Variants in SLIT3 observed in about 807,000 individuals in gnomAD.
The protein encoded by SLIT3 is slit guidance ligand 3, also known as slit homolog 3 protein.
In SLIT3, 68 loss-of-function variants were observed where a neutral mutation model predicts 184.0. The ratio of observed to expected loss-of-function variants is 0.37; its 90% CI spans 0.30 to 0.45. The LOEUF (loss-of-function observed/expected upper bound fraction) is 0.45. Among genes scored for constraint, SLIT3 ranks in the 20% least tolerant of loss-of-function variants. SLIT3 has a pLI of 1.00. For synonymous variants in SLIT3, 831 were observed against 828.6 expected (o/e 1.00, Z -0.05); for missense variants, 1,707 against 2,026.0 (o/e 0.84, Z 3.02).
At chr5:168,783,325 T>C (rs150822160) in intron 12 of SLIT3, among the ~76,000 whole-genome samples, 2,944 of 151,970 alleles carry the variant, frequency 0.019, 37 homozygotes, top group Non-Finnish European at 0.03. Context: ...TTTGGGCATT[T>C]GCCCAAAGGA....
At chr5:168,981,963 T>TA (rs748618908) in intron 4 of SLIT3, among the ~76,000 whole-genome samples, 1 of 152,162 alleles carries the variant, frequency 6.6e-6, no homozygotes, top group African/African-American at 2.4e-5. Flanking sequence ...TGAGAGTATC[T>TA]AAAAATGATG....
At chr5:168,888,356 A>C (rs1760301043) in intron 4 of SLIT3, among the ~76,000 whole-genome samples, 1 of 152,246 alleles carries the variant, frequency 6.6e-6, no homozygotes, top group African/African-American at 2.4e-5. Flanking sequence ...TGGTGACTCC[A>C]GCAACCCAAG....
At chr5:168,851,985 A>G (rs149086095) in intron 5 of SLIT3, among the ~76,000 whole-genome samples, 182 of 152,328 alleles carry the variant, frequency 1.2e-3, no homozygotes, top group Middle Eastern at 3.4e-3. Context: ...TCACTGAAAC[A>G]TTGGGCCTTG....
intron 1 of SLIT3, among the ~76,000 whole-genome samples, chr5:169,272,098 G>C (rs1397970409): frequency 6.6e-6 from 1 of 152,216 alleles, no homozygotes; most frequent in Admixed American, 6.5e-5. Flanking sequence ...ATGGGTAAGG[G>C]GGCTGGGGAT....
Position 168,861,497 on chromosome 5 carries a change from T to C in SLIT3, c.486-16842A>G, listed in dbSNP as rs541190505. ...ATTGCATGCTAGCCAAACCACTTAT[T>C]ATAAAAGCACATCTCATACCTGCCT... On this transcript the variant is annotated intron_variant, in intron 5 of 35. Coordinates refer to ENST00000519560, the MANE Select transcript of SLIT3 (RefSeq NM_003062.4). 4.6e-5 allele frequency among the ~76,000 whole-genome samples: 7 copies of C among 151,256 alleles called. 2 individuals are homozygous for C. The highest frequency in any genetic ancestry group is 1.7e-4 in the African/African-American group (7 of 41,238).
intron 4 of SLIT3, among the ~76,000 whole-genome samples, chr5:169,077,124 G>C (rs1231163701): frequency 1.3e-5 from 2 of 152,168 alleles, no homozygotes; most frequent in African/African-American, 2.4e-5. Context: ...CCTACTCCAT[G>C]TGAGGAGGAC....
Position 169,096,739 on chromosome 5 carries a change from A to T in SLIT3, c.413+96740T>A, listed in dbSNP as rs76729875. ...GATGTAGCCCATCGCTATGGGCATGATCTCATTTAGTCCATTCAACATTCC... is the reference window on the plus strand; with the variant it reads ...GATGTAGCCCATCGCTATGGGCATGTTCTCATTTAGTCCATTCAACATTCC... On this transcript the variant is annotated intron_variant, in intron 4 of 35. Transcript: ENST00000519560. Among the ~76,000 whole-genome samples, 1,067 of 152,302 alleles carry T rather than the reference A, an allele frequency of 7.0e-3. 3 individuals are homozygous for T. Among genetic ancestry groups the T allele is most frequent in the Middle Eastern group, 0.017 (5 of 294 alleles).
At chr5:169,187,111 GTTTTTTT>G in intron 4 of SLIT3, among the ~76,000 whole-genome samples, 1 of 94,424 alleles carries the variant, frequency 1.1e-5, no homozygotes, top group Non-Finnish European at 1.9e-5. Context: ...GCAGCTATAG[GTTTTTTT>G]TTTTTTTTTT....
chr5:168,867,609 G>A (rs1481914190), intron 5 of SLIT3, among the ~76,000 whole-genome samples: 2 of 152,226 alleles, frequency 1.3e-5, no homozygotes, highest in East Asian at 3.9e-4. Context: ...ACTACAAGAT[G>A]TAGTAGAAAG....
intron 1 of SLIT3, among the ~76,000 whole-genome samples, chr5:169,281,872 T>TG (rs201931489): frequency 1.4e-5 from 1 of 71,180 alleles, no homozygotes; most frequent in Non-Finnish European, 3.6e-5. Flanking sequence ...CCAGAGGTAA[T>TG]TTTCCCCCCC....
At chr5:169,119,402 A>T (rs1339207307) in intron 4 of SLIT3, among the ~76,000 whole-genome samples, 1 of 152,218 alleles carries the variant, frequency 6.6e-6, no homozygotes, top group East Asian at 1.9e-4. Flanking sequence ...AATGACTAGA[A>T]ACTGTTATCA....
At chr5:169,169,332 T>G (rs1435422812) in intron 4 of SLIT3, among the ~76,000 whole-genome samples, 2 of 152,182 alleles carry the variant, frequency 1.3e-5, no homozygotes, top group African/African-American at 4.8e-5. Context: ...ACATAATCTC[T>G]TTGCCATGCC....
At chr5:168,819,343 C>T (rs72827664) in intron 7 of SLIT3, among the ~76,000 whole-genome samples, 12 of 152,202 alleles carry the variant, frequency 7.9e-5, no homozygotes, top group Admixed American at 3.9e-4. Context: ...GACTTTTCGC[C>T]GGGTATAAAT....
intron 11 of SLIT3, 61 bp from the exon 12 acceptor site, chr5:168,786,039 C>T: frequency 1.7e-6 from 2 of 1,181,878 alleles, no homozygotes; most frequent in East Asian, 2.3e-5. Context: ...GAACCCAGTC[C>T]TGCAGGAAGC....
intron 5 of SLIT3, among the ~76,000 whole-genome samples, chr5:168,848,840 C>T (rs549965200): frequency 1.3e-5 from 2 of 152,192 alleles, no homozygotes; most frequent in Non-Finnish European, 2.9e-5. Context: ...CATTAGTAAG[C>T]ATAATATACT....
At chr5:169,055,645 C>T (rs763554941) in intron 4 of SLIT3, among the ~76,000 whole-genome samples, 1 of 152,106 alleles carries the variant, frequency 6.6e-6, no homozygotes, top group Non-Finnish European at 1.5e-5. Flanking sequence ...TCGAGACCAT[C>T]CTGGCCAACA....
At chr5:168,987,074 T>C (rs1755156715) in intron 4 of SLIT3, among the ~76,000 whole-genome samples, 1 of 152,170 alleles carries the variant, frequency 6.6e-6, no homozygotes, top group South Asian at 2.1e-4. Flanking sequence ...CTAATATTTA[T>C]CAAACACGGA....
intron 23 of SLIT3, among the ~76,000 whole-genome samples, chr5:168,716,870 C>T (rs1220419192): frequency 1.3e-5 from 2 of 150,196 alleles, no homozygotes; most frequent in Non-Finnish European, 2.9e-5. Context: ...GAGCACTGGG[C>T]TAGGAGCCCA....
At chr5:168,897,646 G>GCGCGCGCACACACACACACACACACACA in intron 4 of SLIT3, among the ~76,000 whole-genome samples, 10 of 105,378 alleles carry the variant, frequency 9.5e-5, no homozygotes, top group African/African-American at 4.2e-4. Context: ...ACAGGTGCAC[G>GCGCGCGCACACACACACACACACACACA]TACACACACA....
Sources: gnomAD v4.1 joint callset for allele counts (sites outside exome capture counted in the v4.1 genomes callset) on GRCh38, gnomAD v4.1.1 for gene constraint, MANE v1.5 for transcripts, NCBI Gene and HGNC (gene_info 2026-07-23, HGNC 2026-07-21) for gene names.